The following KDM3A variants were observed in gnomAD, a reference collection of about 807,000 sequenced individuals.
KDM3A encodes the protein lysine-specific demethylase 3A.
Under a neutral mutation model 158.0 loss-of-function variants are expected in KDM3A, and 60 were observed. The ratio of observed to expected loss-of-function variants is 0.38; its 90% CI spans 0.31 to 0.47. The LOEUF (loss-of-function observed/expected upper bound fraction) is 0.47. KDM3A is among the 20% of genes least tolerant of loss of function. The probability of loss-of-function intolerance (pLI) is 0.99; values close to 1 mark genes in which losing one functional copy is unlikely to be tolerated. For synonymous variants in KDM3A, 608 were observed against 549.3 expected, an observed-to-expected ratio of 1.11 and a Z score of -1.49; for missense variants, 1,319 against 1,574.3, an observed-to-expected ratio of 0.84 and a Z score of 2.74.
intron 14 of KDM3A, 81 bp downstream of exon 14, chr2:86,478,346 A>G: frequency 9.4e-7 from 1 of 1,059,034 alleles, no homozygotes; most frequent in Admixed American, 2.0e-5. Flanking sequence ...TTCCTTTATT[A>G]CTCGTTAAGT....
Position 86,470,261 on chromosome 2 carries a change from G to A in KDM3A, c.1577G>A (p.Ser526Asn), listed in dbSNP as rs1673341502. The change falls in exon 11 of 26, where the codon AGT becomes AAT. Residue 526 changes from serine to asparagine, a missense_variant. Ser to Asn is a conservative substitution (Grantham distance 46). This residue lies in a region of KDM3A where 652 missense variants were observed against 627.2 expected (regional missense o/e 1.04). Coordinates refer to ENST00000312912, the MANE Select transcript of KDM3A (RefSeq NM_018433.6). ...GCTAAACTCAAAAAGCTGCAACAGA[G>A]TGGCGAGGCCTTCGTACAGGATGAT... is the stretch of plus-strand genomic sequence containing the variant. ...DPAKLKKLQQ[S>N]GEAFVQDDSC... is the part of the protein sequence containing the mutation. 6.2e-7 allele frequency: 1 copy of A among 1,614,038 alleles called. No homozygotes were observed. Among genetic ancestry groups the A allele is most frequent in the Non-Finnish European group, 8.5e-7 (1 of 1,180,022 alleles).
At chr2:86,446,341 A>G (rs1682956761) in intron 2 of KDM3A, among the ~76,000 whole-genome samples, 1 of 152,238 alleles carries the variant, frequency 6.6e-6, no homozygotes, top group South Asian at 2.1e-4. Flanking sequence ...ACAATTTAGA[A>G]TAGAAACTAG....
intron 2 of KDM3A, among the ~76,000 whole-genome samples, chr2:86,448,078 G>A (rs1218255649): frequency 1.3e-5 from 2 of 152,340 alleles, no homozygotes; most frequent in South Asian, 2.1e-4. Context: ...AGGGAGAAAC[G>A]TATGTGGGCC....
intron 17 of KDM3A, 120 bp downstream of exon 17, chr2:86,482,222 C>G: frequency 7.1e-6 from 9 of 1,262,432 alleles, no homozygotes; most frequent in Non-Finnish European, 1.0e-5. Context: ...TTTGTGGGTT[C>G]AGAAGGCTGA....
At chr2:86,453,373 A>G (rs935922961) in intron 4 of KDM3A, among the ~76,000 whole-genome samples, 7 of 152,214 alleles carry the variant, frequency 4.6e-5, no homozygotes, top group Non-Finnish European at 8.8e-5. Flanking sequence ...TGATTACCCC[A>G]GTAGGATACT....
intron 8 of KDM3A, among the ~76,000 whole-genome samples, chr2:86,461,858 T>C (rs1167649641): frequency 6.6e-6 from 1 of 151,482 alleles, no homozygotes; most frequent in African/African-American, 2.4e-5. Flanking sequence ...AGGAAGCAAG[T>C]GTAGTTGGAG....
At chr2:86,445,461 T>A (rs868667340) in intron 2 of KDM3A, among the ~76,000 whole-genome samples, 1 of 152,214 alleles carries the variant, frequency 6.6e-6, no homozygotes, top group East Asian at 1.9e-4. Context: ...CCCTGCTTCC[T>A]TAACTTGTCC....
intron 25 of KDM3A, chr2:86,491,499 A>G: frequency 1.9e-6 from 1 of 540,228 alleles, no homozygotes. Flanking sequence ...TCTATAAGGG[A>G]CTGTCCCCAC....
Position 86,466,435 on chromosome 2 carries a change from G to A in KDM3A, c.1071G>A (p.Leu357=), listed in dbSNP as rs370857741. Residue 357 remains leucine (L), a synonymous_variant, in exon 10 of 26, where the codon CTG becomes CTA. Coordinates refer to ENST00000312912, the MANE Select transcript of KDM3A (RefSeq NM_018433.6). The part of the protein sequence containing the change: ...SSCLNTKSEA[L]RTKPDVCKAG... ...GTCTAAATACAAAGTCTGAAGCTCT[G>A]AGAACAAAACCAGATGTCTGCAAAG... The A allele has an allele frequency of 6.2e-7, 1 of 1,613,758 alleles. No individual in the cohort carries two copies. Among genetic ancestry groups the A allele is most frequent in the Admixed American group, 1.7e-5 (1 of 59,984 alleles).
intron 15 of KDM3A, chr2:86,479,937 G>A (rs1018250696): frequency 1.8e-5 from 10 of 546,236 alleles, no homozygotes; most frequent in South Asian, 6.5e-5. Context: ...GTGAAAGGGT[G>A]CGGGGGGTAA....
chr2:86,452,008 C>T (rs370786427), intron 4 of KDM3A, among the ~76,000 whole-genome samples: 3 of 152,096 alleles, frequency 2.0e-5, no homozygotes, highest in Admixed American at 6.5e-5. Context: ...ATATTTGTAA[C>T]CCCAAATCAA....
chr2:86,474,176 A>G (rs1224924912), intron 11 of KDM3A, among the ~76,000 whole-genome samples: 1 of 152,208 alleles, frequency 6.6e-6, no homozygotes, highest in Non-Finnish European at 1.5e-5. Context: ...CCCTGGAGGC[A>G]GTATGATTAT....
chr2:86,476,938 GGAGA>G (rs1399708046), intron 12 of KDM3A, among the ~76,000 whole-genome samples: 1 of 152,140 alleles, frequency 6.6e-6, no homozygotes, highest in East Asian at 1.9e-4. Context: ...GTGTTGTTCA[GGAGA>G]GAGAGAGACT....
At chr2:86,481,813 T>A (rs1673943172) in intron 16 of KDM3A, 117 bp from the exon 17 acceptor site, 1 of 686,810 alleles carries the variant, frequency 1.5e-6, no homozygotes, top group Non-Finnish European at 2.5e-6. Context: ...CCCTAAAGTA[T>A]TTTTTTTGTT....
At chr2:86,482,219 G>A in intron 17 of KDM3A, 117 bp downstream of exon 17, 2 of 1,272,456 alleles carry the variant, frequency 1.6e-6, no homozygotes, top group Non-Finnish European at 2.2e-6. Flanking sequence ...ACCTTTGTGG[G>A]TTCAGAAGGC....
intron 8 of KDM3A, 75 bp from the exon 9 acceptor site, chr2:86,463,978 C>G (rs151302060): frequency 8.8e-7 from 1 of 1,135,616 alleles, no homozygotes; most frequent in Admixed American, 2.6e-5. Flanking sequence ...AGCAAATGAT[C>G]TTAAATTTGG....
At chr2:86,489,231 G>A (rs2104715442) in intron 21 of KDM3A, 87 bp from the exon 22 acceptor site, 1 of 1,386,726 alleles carries the variant, frequency 7.2e-7, no homozygotes, top group South Asian at 1.4e-5. Flanking sequence ...AGTCAATCAG[G>A]GACCTACCAT....
intron 11 of KDM3A, among the ~76,000 whole-genome samples, chr2:86,473,324 C>A (rs1035291264): frequency 2.6e-5 from 4 of 152,100 alleles, no homozygotes; most frequent in African/African-American, 4.8e-5. Flanking sequence ...CCATGCCTGG[C>A]TAATTAGAAA....
At chr2:86,442,305 CCTT>C in intron 2 of KDM3A, 72 bp downstream of exon 2, 1 of 1,415,880 alleles carries the variant, frequency 7.1e-7, no homozygotes, top group Non-Finnish European at 9.6e-7. Flanking sequence ...TCGGTTCCCT[CCTT>C]CCGTTTTCTG....
Sources: allele counts gnomAD v4.1 joint callset (sites outside exome capture counted in the v4.1 genomes callset), GRCh38; gene constraint gnomAD v4.1.1; regional missense constraint gnomAD v4.1.1; transcripts MANE v1.5; gene names NCBI Gene and HGNC (gene_info 2026-07-23, HGNC 2026-07-21).